KIF6: variants seen among roughly 807,000 people sequenced by gnomAD.
KIF6 encodes the protein kinesin family member 6, also known as kinesin-like protein KIF6.
Under a neutral mutation model 112.7 loss-of-function variants are expected in KIF6, and 106 were observed. The ratio of observed to expected loss-of-function variants is 0.94; its 90% CI spans 0.80 to 1.11. The LOEUF (loss-of-function observed/expected upper bound fraction) is 1.11. KIF6 is among the 50% of genes least tolerant of loss of function. The pLI, the probability that KIF6 is intolerant of heterozygous loss-of-function variation, is 0.00. For missense variants in KIF6, 929 were observed against 964.0 expected (o/e 0.96, Z 0.48); for synonymous variants, 339 against 339.9 (o/e 1.00, Z 0.03).
At position 39,592,989 on chromosome 6, in the gene KIF6, A is replaced by G. The variant is rs529881849; in HGVS notation, c.846+3065T>C. On this transcript the variant is annotated intron_variant, in intron 7 of 22. Transcript: ENST00000287152. Reference sequence around the variant, plus strand: ...ATCTCTGTCTTATATATTGAAACCGAGAGAGGGGATAGGGATATAATTGAT... The same window carrying G: ...ATCTCTGTCTTATATATTGAAACCGGGAGAGGGGATAGGGATATAATTGAT... 5.0e-4 allele frequency among the ~76,000 whole-genome samples: 76 copies of G among 152,304 alleles called. 1 individual carries two copies. The highest frequency in any genetic ancestry group is 1.6e-3 in the African/African-American group (66 of 41,562).
intron 1 of KIF6, among the ~76,000 whole-genome samples, chr6:39,724,957 T>A (rs1790449381): frequency 6.6e-6 from 1 of 152,184 alleles, no homozygotes. Flanking sequence ...GAACATGCAC[T>A]AGTCTGCCCC....
At chr6:39,409,361 T>C (rs1769319001) in intron 15 of KIF6, among the ~76,000 whole-genome samples, 1 of 152,206 alleles carries the variant, frequency 6.6e-6, no homozygotes, top group Non-Finnish European at 1.5e-5. Context: ...CTGCTGTTAC[T>C]AGTTTTGCCA....
intron 13 of KIF6, among the ~76,000 whole-genome samples, chr6:39,494,176 T>C (rs1274016751): frequency 6.6e-6 from 1 of 152,212 alleles, no homozygotes; most frequent in Non-Finnish European, 1.5e-5. Flanking sequence ...AAAGTAAGGT[T>C]TATATCTGAT....
chr6:39,346,041 A>C, intron 20 of KIF6, among the ~76,000 whole-genome samples: 1 of 92,222 alleles, frequency 1.1e-5, no homozygotes, highest in Non-Finnish European at 2.2e-5. Context: ...AGGATGAGAA[A>C]CTACAGTGCT....
intron 3 of KIF6, among the ~76,000 whole-genome samples, chr6:39,687,096 T>C (rs1787915038): frequency 6.6e-6 from 1 of 152,156 alleles, no homozygotes; most frequent in African/African-American, 2.4e-5. Flanking sequence ...ACACTGCAGC[T>C]GCATTCAATA....
chr6:39,387,580 G>C lies in KIF6; in HGVS notation c.1811-1908C>G, dbSNP rs145704111. Among the ~76,000 whole-genome samples, 398 of 152,230 alleles carry C rather than the reference G, an allele frequency of 2.6e-3. 1 individual carries two copies. The highest frequency in any genetic ancestry group is 9.2e-3 in the African/African-American group (382 of 41,524). On this transcript the variant is annotated intron_variant, in intron 15 of 22. Transcript: ENST00000287152. The stretch of plus-strand genomic sequence containing the variant: ...GTGGGAACTTCAGGAGTGTGCTGAG[G>C]GGGATTTGGGGAAGTGGAAACTTGA...
intron 3 of KIF6, among the ~76,000 whole-genome samples, chr6:39,697,554 T>C (rs1216820282): frequency 6.6e-6 from 1 of 150,970 alleles, no homozygotes; most frequent in Non-Finnish European, 1.5e-5. Context: ...TTTTTTTTTT[T>C]TCTTTTGAGA....
intron 3 of KIF6, among the ~76,000 whole-genome samples, chr6:39,656,604 T>C (rs1336307828): frequency 6.6e-6 from 1 of 152,202 alleles, no homozygotes; most frequent in Non-Finnish European, 1.5e-5. Context: ...GTTTAACCTG[T>C]CTACAGTACC....
intron 14 of KIF6, among the ~76,000 whole-genome samples, chr6:39,425,984 G>A (rs1040578696): frequency 4.6e-5 from 7 of 152,024 alleles, no homozygotes; most frequent in Non-Finnish European, 2.9e-5. Context: ...TGAGTGAAGG[G>A]GTGCTTTGCT....
chr6:39,611,675 CT>C (rs1783222981), intron 6 of KIF6, among the ~76,000 whole-genome samples: 1 of 152,164 alleles, frequency 6.6e-6, no homozygotes, highest in African/African-American at 2.4e-5. Context: ...TATCTTTTCT[CT>C]TTTTCATAAG....
intron 3 of KIF6, among the ~76,000 whole-genome samples, chr6:39,656,397 C>CT (rs1785784310): frequency 6.6e-6 from 1 of 152,206 alleles, no homozygotes; most frequent in Non-Finnish European, 1.5e-5. Context: ...AATTCATCCT[C>CT]TGTCTACACT....
intron 16 of KIF6, among the ~76,000 whole-genome samples, chr6:39,384,385 G>T (rs1005685455): frequency 6.6e-6 from 1 of 152,164 alleles, no homozygotes; most frequent in African/African-American, 2.4e-5. Context: ...AGGGCCCTGG[G>T]GCAGCCTGGC....
intron 3 of KIF6, among the ~76,000 whole-genome samples, chr6:39,644,479 G>T (rs1343227035): frequency 1.3e-5 from 2 of 152,032 alleles, no homozygotes; most frequent in African/African-American, 4.8e-5. Flanking sequence ...GATATTATTT[G>T]GCAAGGAGAA....
At chr6:39,434,585 C>A (rs565932079) in intron 13 of KIF6, among the ~76,000 whole-genome samples, 71 of 148,748 alleles carry the variant, frequency 4.8e-4, no homozygotes, top group African/African-American at 1.5e-3. Flanking sequence ...CAAAACAAAA[C>A]AAAAAAACAA....
intron 13 of KIF6, among the ~76,000 whole-genome samples, chr6:39,436,558 G>A (rs1308653411): frequency 6.6e-6 from 1 of 151,890 alleles, no homozygotes; most frequent in Non-Finnish European, 1.5e-5. Context: ...GTGAGACATA[G>A]GGATCCAATT....
rs556662782 is a variant in KIF6, at chr6:39,692,937, A to G, written c.251+21755T>C. 5.3e-5 allele frequency among the ~76,000 whole-genome samples: 8 copies of G among 152,308 alleles called. No homozygotes were observed. The South Asian group carries it at 1.7e-3, about 32-fold the overall frequency. On this transcript the variant is annotated intron_variant, in intron 3 of 22. Transcript: ENST00000287152. ...CTGCTAGTTAGGATAGAAATGAAGT[A>G]GCCTCTCAGCATCAAAAATATAACT... is the stretch of plus-strand genomic sequence containing the variant.
chr6:39,442,704 C>T (rs1771993477), intron 13 of KIF6, among the ~76,000 whole-genome samples: 1 of 152,142 alleles, frequency 6.6e-6, no homozygotes, highest in South Asian at 2.1e-4. Flanking sequence ...ATTCCAGGCT[C>T]AATATTTGGA....
rs973030773 is a variant in KIF6, at chr6:39,334,884, G to T, written c.*1648C>A. The T allele has an allele frequency of 6.6e-6, 1 of 152,170 alleles. No individual in the cohort carries two copies. The highest frequency in any genetic ancestry group is 1.5e-5 in the Non-Finnish European group (1 of 68,062). The allele number at this position is 152,170 out of a possible 1,614,324, so 9.4% of individuals were successfully genotyped here. On this transcript the variant is annotated 3_prime_UTR_variant, in exon 23 of 23. Transcript: ENST00000287152. Reference sequence around the variant, plus strand: ...CTCTGGTTCTACAGACTTTACAGAGGGCTTACTATGTTCCATTGAACTGTG... The same window carrying T: ...CTCTGGTTCTACAGACTTTACAGAGTGCTTACTATGTTCCATTGAACTGTG...
chr6:39,629,996 A>G (rs545643935), intron 5 of KIF6, among the ~76,000 whole-genome samples: 1 of 152,158 alleles, frequency 6.6e-6, no homozygotes, highest in Admixed American at 6.6e-5. Context: ...AGTTGACTAT[A>G]TTTTTAAGGG....
Sources: gnomAD v4.1 joint callset for allele counts (sites outside exome capture counted in the v4.1 genomes callset) on GRCh38, gnomAD v4.1.1 for gene constraint, MANE v1.5 for transcripts, NCBI Gene and HGNC (gene_info 2026-07-23, HGNC 2026-07-21) for gene names.